The following PCDHGB3 variants were observed in gnomAD, a reference collection of about 807,000 sequenced individuals.
The protein encoded by PCDHGB3 is protocadherin gamma subfamily B, 3, also known as protocadherin gamma-B3.
A neutral mutation model predicts 59.2 loss-of-function variants in PCDHGB3; 40 were observed. The ratio of observed to expected loss-of-function variants is 0.68; its 90% CI spans 0.52 to 0.88. The LOEUF (loss-of-function observed/expected upper bound fraction) is 0.88, where lower values mean the gene tolerates loss of function less well. Among genes scored for constraint, PCDHGB3 ranks in the 40% least tolerant of loss-of-function variants. PCDHGB3 has a pLI of 0.00. For missense variants in PCDHGB3, 1,309 were observed against 1,187.9 expected (o/e 1.10, Z -1.50); for synonymous variants, 581 against 503.6 (o/e 1.15, Z -2.06).
rs184860941 is a variant in PCDHGB3, at chr5:141,386,661, G to A, written c.2415+13852G>A. On this transcript the variant is annotated intron_variant, in intron 1 of 3. Coordinates refer to ENST00000576222, the MANE Select transcript of PCDHGB3 (RefSeq NM_018924.5). ...CTGGATACATTTTACAAGTTCTGCA[G>A]TGTTCACATTTCAGATGTACAATCA... Among the ~76,000 whole-genome samples the A allele has an allele frequency of 2.0e-4, 31 of 152,110 alleles. No individual in the cohort carries two copies. In the East Asian group the frequency reaches 3.5e-3, roughly 17 times the overall value.
intron 1 of PCDHGB3, chr5:141,423,880 G>T: frequency 7.8e-7 from 1 of 1,282,292 alleles, no homozygotes; most frequent in Non-Finnish European, 9.9e-7. Flanking sequence ...TTTCAATCTT[G>T]GCATATTTTC....
chr5:141,504,315 A>G (rs573050088), intron 2 of PCDHGB3, among the ~76,000 whole-genome samples: 1 of 152,248 alleles, frequency 6.6e-6, no homozygotes, highest in East Asian at 1.9e-4. Flanking sequence ...AGTTTCTAAA[A>G]GTCTCACTTA....
intron 1 of PCDHGB3, among the ~76,000 whole-genome samples, chr5:141,461,366 A>G (rs1186381077): frequency 6.6e-6 from 1 of 151,964 alleles, no homozygotes; most frequent in Non-Finnish European, 1.5e-5. Flanking sequence ...TTGTGGTTTT[A>G]ATTTGCATTT....
rs1310227506 is a variant in PCDHGB3, at chr5:141,432,214, CCAGATCACTTATTCCCTGG to C, written c.2415+59407_2415+59425del. ...ACGACCCCGACTGTGAAGAGAACGC[CCAGATCACTTATTCCCTGG>C]CTGAGAACACCATCCAAGGGGCAAG... is the stretch of plus-strand genomic sequence containing the variant. On this transcript the variant is annotated intron_variant, in intron 1 of 3. Transcript: ENST00000576222. This position sits in a 1 kb window ranked among gnomAD's most constrained non-coding sequence, Gnocchi z 6.0. 3.1e-6 allele frequency: 5 copies of C among 1,614,236 alleles called. No homozygotes were observed. The highest frequency in any genetic ancestry group is 4.2e-6 in the Non-Finnish European group (5 of 1,180,050).
intron 1 of PCDHGB3, chr5:141,393,882 T>G (rs1471060639): frequency 6.2e-7 from 1 of 1,614,028 alleles, no homozygotes; most frequent in South Asian, 1.1e-5. Flanking sequence ...TAGCCCAGTG[T>G]TAGAAAATTC....
rs566838507 is a variant in PCDHGB3, at chr5:141,415,047, G to A, written c.2415+42238G>A. 5 of 1,613,392 alleles carry A rather than the reference G, an allele frequency of 3.1e-6. No homozygotes were observed. The African/African-American group carries it at 5.3e-5, about 17-fold the overall frequency. Reference sequence around the variant, plus strand: ...GCGAGCCGGGACTCTTCGCGGTGGGGGAGCACACGGGCGAGGTGCGCACGG... The same window carrying A: ...GCGAGCCGGGACTCTTCGCGGTGGGAGAGCACACGGGCGAGGTGCGCACGG... On this transcript the variant is annotated intron_variant, in intron 1 of 3. Coordinates refer to ENST00000576222, the MANE Select transcript of PCDHGB3 (RefSeq NM_018924.5).
chr5:141,404,648 G>C (rs1178706213), intron 1 of PCDHGB3: 1 of 1,614,148 alleles, frequency 6.2e-7, no homozygotes, highest in African/African-American at 1.3e-5. Flanking sequence ...CCTGTACCCT[G>C]CCCTCCCCAC....
chr5:141,400,728 T>C, intron 1 of PCDHGB3: 1 of 648,188 alleles, frequency 1.5e-6, no homozygotes. Context: ...ATTTACAAAG[T>C]AGTGAGAGTT....
intron 1 of PCDHGB3, chr5:141,414,532 C>T (rs747661760): frequency 1.9e-6 from 3 of 1,613,930 alleles, no homozygotes; most frequent in Admixed American, 3.3e-5. Flanking sequence ...CAATGACAAC[C>T]CACCTACCTT....
chr5:141,415,494 C>T lies in PCDHGB3; in HGVS notation c.2415+42685C>T, dbSNP rs377609539. 2.5e-6 allele frequency: 4 copies of T among 1,614,110 alleles called. No homozygotes were observed. The African/African-American group carries it at 4.0e-5, about 16-fold the overall frequency. ...CGGACTCGCGAAAGAGTCACCTGAT[C>T]TTCCCCCAGCCCAATTATGCGGACA... On this transcript the variant is annotated intron_variant, in intron 1 of 3. Transcript: ENST00000576222.
chr5:141,432,630 G>A lies in PCDHGB3; in HGVS notation c.2415+59821G>A, dbSNP rs1278355878. On this transcript the variant is annotated intron_variant, in intron 1 of 3. Coordinates refer to ENST00000576222, the MANE Select transcript of PCDHGB3 (RefSeq NM_018924.5). This position sits in a 1 kb window ranked among gnomAD's most constrained non-coding sequence, Gnocchi z 6.0. ...CTCTTCTCGGTGGGTCTGCACACGG[G>A]CGAGGTGCGCACGGCGCGAGCCCTG... 3.7e-6 allele frequency: 6 copies of A among 1,612,782 alleles called. No homozygotes were observed. Among genetic ancestry groups the A allele is most frequent in the Non-Finnish European group, 5.1e-6 (6 of 1,179,682 alleles).
At chr5:141,376,331 C>T (rs757952080) in intron 1 of PCDHGB3, 2 of 1,614,078 alleles carry the variant, frequency 1.2e-6, no homozygotes, top group East Asian at 2.2e-5. Context: ...TCGGGCTTTC[C>T]TGCAGACCTA....
intron 1 of PCDHGB3, chr5:141,377,075 T>A (rs552169121): frequency 6.6e-6 from 1 of 152,554 alleles, no homozygotes; most frequent in South Asian, 2.1e-4. Flanking sequence ...GAGAGTCACA[T>A]AATTCTAATG....
At chr5:141,394,151 C>T in intron 1 of PCDHGB3, 2 of 1,613,900 alleles carry the variant, frequency 1.2e-6, no homozygotes, top group Non-Finnish European at 1.7e-6. Context: ...CAGACATTAA[C>T]GACAACCCTC....
chr5:141,399,370 A>C (rs1466560972), intron 1 of PCDHGB3: 2 of 1,614,004 alleles, frequency 1.2e-6, no homozygotes, highest in Non-Finnish European at 1.7e-6. Context: ...CCCGGAGTAC[A>C]ATGTCACCAT....
At chr5:141,411,881 G>T (rs1299555823) in intron 1 of PCDHGB3, 2 of 152,114 alleles carry the variant, frequency 1.3e-5, no homozygotes, top group Middle Eastern at 3.2e-3. Flanking sequence ...ACATTTCTAA[G>T]AAATAAATGA....
rs765535731 is a variant in PCDHGB3, at chr5:141,427,976, G to T, written c.2415+55167G>T. On this transcript the variant is annotated intron_variant, in intron 1 of 3. Transcript: ENST00000576222. ...ATGTGCCGCGGGTGCTGTACCCCGC[G>T]CTGGGGCCCGATGGCTCCGCACTCT... 1.1e-5 allele frequency: 17 copies of T among 1,594,884 alleles called. No individual in the cohort carries two copies. The East Asian group carries it at 1.6e-4, about 15-fold the overall frequency.
At chr5:141,429,542 A>G (rs1484411621) in intron 1 of PCDHGB3, among the ~76,000 whole-genome samples, 3 of 152,188 alleles carry the variant, frequency 2.0e-5, no homozygotes, top group African/African-American at 7.2e-5. Context: ...AAATAAGAAC[A>G]TGGTAATGAT....
chr5:141,472,750 C>T (rs967243815), intron 1 of PCDHGB3, among the ~76,000 whole-genome samples: 3 of 151,882 alleles, frequency 2.0e-5, no homozygotes, highest in Non-Finnish European at 2.9e-5. Context: ...CTTTGGGAGG[C>T]GGAGGCTGGC....
Sources: gnomAD v4.1 joint callset for allele counts (sites outside exome capture counted in the v4.1 genomes callset) on GRCh38, gnomAD v4.1.1 for gene constraint, Gnocchi (gnomAD v3.1) non-coding constraint, MANE v1.5 for transcripts, NCBI Gene and HGNC (gene_info 2026-07-23, HGNC 2026-07-21) for gene names.